Variants in PRKCA observed in about 807,000 individuals in gnomAD.
PRKCA encodes protein kinase C alpha, also known as protein kinase C alpha type.
In PRKCA, 27 loss-of-function variants were observed where a neutral mutation model predicts 87.0. The ratio of observed to expected loss-of-function variants is 0.31; its 90% confidence interval spans 0.23 to 0.43. The LOEUF (loss-of-function observed/expected upper bound fraction) is 0.43, where lower values mean the gene tolerates loss of function less well. PRKCA is among the 20% of genes least tolerant of loss of function. The probability of loss-of-function intolerance (pLI) is 1.00; values close to 1 mark genes in which losing one functional copy is unlikely to be tolerated. For synonymous variants in PRKCA, 329 were observed against 311.1 expected (o/e 1.06, Z -0.61); for missense variants, 518 against 852.3 (o/e 0.61, Z 4.88).
intron 8 of PRKCA, among the ~76,000 whole-genome samples, chr17:66,724,663 G>A (rs975153599): frequency 2.0e-5 from 3 of 152,220 alleles, no homozygotes; most frequent in East Asian, 1.9e-4. Context: ...CCAGCAGGGC[G>A]TCTGGCCACG....
chr17:66,332,613 C>A (rs1412778757), intron 2 of PRKCA, among the ~76,000 whole-genome samples: 2 of 152,034 alleles, frequency 1.3e-5, no homozygotes, highest in African/African-American at 4.8e-5. Flanking sequence ...CATCTAAAGA[C>A]TCTGTTGACC....
At chr17:66,571,150 G>A (rs572983623) in intron 3 of PRKCA, among the ~76,000 whole-genome samples, 2 of 152,322 alleles carry the variant, frequency 1.3e-5, no homozygotes, top group South Asian at 4.1e-4. Flanking sequence ...CAAAAGCTCA[G>A]TGAGAAAGTA....
At chr17:66,629,445 T>G (rs1034547904) in intron 3 of PRKCA, among the ~76,000 whole-genome samples, 2 of 152,196 alleles carry the variant, frequency 1.3e-5, no homozygotes, top group Non-Finnish European at 2.9e-5. Flanking sequence ...GATCCTGTTT[T>G]TACTAAATTA....
chr17:66,446,616 T>C (rs1914051646), intron 2 of PRKCA, among the ~76,000 whole-genome samples: 1 of 152,196 alleles, frequency 6.6e-6, no homozygotes, highest in Non-Finnish European at 1.5e-5. Context: ...CCAGGTGGGC[T>C]TGTACATTTT....
At chr17:66,798,475 G>GAC (rs1975744455) in intron 16 of PRKCA, among the ~76,000 whole-genome samples, 1 of 122,046 alleles carries the variant, frequency 8.2e-6, no homozygotes, top group Non-Finnish European at 1.7e-5. Flanking sequence ...TGGTGGTGGT[G>GAC]GTGGTGGTGG....
At chr17:66,587,097 G>T (rs1969619872) in intron 3 of PRKCA, among the ~76,000 whole-genome samples, 1 of 152,184 alleles carries the variant, frequency 6.6e-6, no homozygotes, top group African/African-American at 2.4e-5. Context: ...ACAGAATCCA[G>T]GTCTGGGGCC....
chr17:66,623,402 G>A (rs182257483), intron 3 of PRKCA, among the ~76,000 whole-genome samples: 8 of 152,298 alleles, frequency 5.3e-5, no homozygotes, highest in African/African-American at 1.2e-4. Flanking sequence ...TGTCACCCAC[G>A]AAGGAATGGG....
intron 3 of PRKCA, among the ~76,000 whole-genome samples, chr17:66,575,256 A>AC (rs1969198695): frequency 6.6e-6 from 1 of 152,198 alleles, no homozygotes; most frequent in Admixed American, 6.5e-5. Context: ...AGATTTCATC[A>AC]CACTATTCAG....
chr17:66,626,908 A>G (rs903521830), intron 3 of PRKCA, among the ~76,000 whole-genome samples: 5 of 152,230 alleles, frequency 3.3e-5, no homozygotes, highest in Admixed American at 6.5e-5. Flanking sequence ...TAGTCTCAAA[A>G]AGAGCATTCT....
chr17:66,753,606 C>T (rs1434961078), intron 13 of PRKCA, among the ~76,000 whole-genome samples: 1 of 152,144 alleles, frequency 6.6e-6, no homozygotes, highest in African/African-American at 2.4e-5. Flanking sequence ...CATCCCCACG[C>T]CCCCACCCCA....
Position 66,757,786 on chromosome 17 carries a change from GC to G in PRKCA, c.1524+15028del, listed in dbSNP as rs535021450. Among the ~76,000 whole-genome samples, 546 of 152,200 alleles carry G rather than the reference GC, an allele frequency of 3.6e-3. 3 individuals are homozygous for G. The highest frequency in any genetic ancestry group is 0.013 in the African/African-American group (534 of 41,522). On this transcript the variant is annotated intron_variant, in intron 13 of 16. Coordinates refer to ENST00000413366, the MANE Select transcript of PRKCA (RefSeq NM_002737.3). ...GTCCCCCAGGCTGGAGTGCAGTGGC[GC>G]CATCTCGGCTCACTGCAAGCTCCGC...
rs560874815 is a variant in PRKCA, at chr17:66,739,525, AG to A, written c.1322+671del. On this transcript the variant is annotated intron_variant, in intron 11 of 16. Transcript: ENST00000413366. ...AGTTTACACTCCACCCTGGAGGTGG[AG>A]AAGTCACCTAACAATTAATAGTGCG... 2.6e-5 allele frequency among the ~76,000 whole-genome samples: 4 copies of A among 152,302 alleles called. No homozygotes were observed. In the South Asian group the frequency reaches 8.3e-4, roughly 32 times the overall value.
intron 3 of PRKCA, among the ~76,000 whole-genome samples, chr17:66,532,367 T>C (rs1273824710): frequency 6.8e-6 from 1 of 146,112 alleles, no homozygotes; most frequent in African/African-American, 2.5e-5. Context: ...TTTTATTTTA[T>C]TTTTTTATTT....
intron 2 of PRKCA, among the ~76,000 whole-genome samples, chr17:66,346,333 G>A (rs1311484725): frequency 1.3e-5 from 2 of 151,786 alleles, no homozygotes; most frequent in Admixed American, 6.6e-5. Context: ...TCCTGACCTA[G>A]TGATCTGCCC....
intron 5 of PRKCA, among the ~76,000 whole-genome samples, chr17:66,665,102 G>A (rs925542745): frequency 5.9e-5 from 9 of 152,154 alleles, no homozygotes; most frequent in Admixed American, 5.2e-4. Context: ...GAATAACACT[G>A]GAGGGTTTTT....
intron 2 of PRKCA, among the ~76,000 whole-genome samples, chr17:66,368,033 G>T (rs1177298124): frequency 6.6e-6 from 1 of 152,092 alleles, no homozygotes; most frequent in Non-Finnish European, 1.5e-5. Context: ...GTTCTGAGAG[G>T]TACTTGGCAG....
At chr17:66,331,423 G>T (rs1392170524) in intron 2 of PRKCA, among the ~76,000 whole-genome samples, 1 of 152,118 alleles carries the variant, frequency 6.6e-6, no homozygotes, top group Non-Finnish European at 1.5e-5. Context: ...TGTGTTAGTT[G>T]TGATCAGCAA....
At chr17:66,462,094 T>C (rs942764481) in intron 2 of PRKCA, among the ~76,000 whole-genome samples, 2 of 152,174 alleles carry the variant, frequency 1.3e-5, no homozygotes, top group African/African-American at 4.8e-5. Flanking sequence ...ATATATTCTT[T>C]TAAACGTCGG....
At chr17:66,414,985 A>T (rs1912049937) in intron 2 of PRKCA, 1 of 152,148 alleles carries the variant, frequency 6.6e-6, no homozygotes, top group South Asian at 2.1e-4. Flanking sequence ...GAAAAAGGCC[A>T]GAAGGAAGTG....
Sources: gnomAD v4.1 joint callset for allele counts (sites outside exome capture counted in the v4.1 genomes callset) on GRCh38, gnomAD v4.1.1 for gene constraint, MANE v1.5 for transcripts, NCBI Gene and HGNC (gene_info 2026-07-23, HGNC 2026-07-21) for gene names.